Variants in ABCB5 observed in about 807,000 individuals in gnomAD.
ABCB5 encodes ATP-binding cassette sub-family B member 5.
In ABCB5, 155 loss-of-function variants were observed where a neutral mutation model predicts 144.2. The ratio of observed to expected loss-of-function variants is 1.08; its 90% CI spans 0.94 to 1.23. The LOEUF is 1.23. Among genes scored for constraint, ABCB5 ranks in the 50% most tolerant of loss-of-function variants. The pLI, the probability that ABCB5 is intolerant of heterozygous loss-of-function variation, is 0.00. For missense variants in ABCB5, 1,830 were observed against 1,520.8 expected (o/e 1.20, Z -3.38); for synonymous variants, 610 against 528.6 (o/e 1.15, Z -2.11).
At chr7:20,691,634 G>A (rs1056107824) in intron 16 of ABCB5, among the ~76,000 whole-genome samples, 1 of 135,588 alleles carries the variant, frequency 7.4e-6, no homozygotes, top group Admixed American at 7.8e-5. Flanking sequence ...TGAAGTTTTA[G>A]GGTACATGTG....
In ABCB5 at chr7:20,702,990, T is replaced by C. The variant is rs184204468; in HGVS notation, c.2338-1734T>C. Among the ~76,000 whole-genome samples, 3 of 152,230 alleles carry C rather than the reference T, an allele frequency of 2.0e-5. No individual in the cohort carries two copies. In the East Asian group the frequency reaches 5.8e-4, roughly 29 times the overall value. On this transcript the variant is annotated intron_variant, in intron 19 of 27. Transcript: ENST00000404938. Reference sequence around the variant, plus strand: ...GGAAAACAATCCCTGGAGTACACAATTGCTGTCTTGCCAAAAAGCAATTTC... The same window carrying C: ...GGAAAACAATCCCTGGAGTACACAACTGCTGTCTTGCCAAAAAGCAATTTC...
At chr7:20,622,615 A>T (rs1203885935) in intron 1 of ABCB5, among the ~76,000 whole-genome samples, 1 of 152,098 alleles carries the variant, frequency 6.6e-6, no homozygotes, top group East Asian at 1.9e-4. Flanking sequence ...AGTCACAACC[A>T]TCTCTATAGA....
intron 20 of ABCB5, among the ~76,000 whole-genome samples, chr7:20,720,814 C>G (rs558075850): frequency 3.6e-4 from 54 of 151,572 alleles, no homozygotes; most frequent in African/African-American, 1.2e-3. Context: ...CATGGTGGTG[C>G]GCGCCTGTAG....
intron 14 of ABCB5, among the ~76,000 whole-genome samples, chr7:20,671,613 A>G (rs1160369606): frequency 6.6e-6 from 1 of 152,178 alleles, no homozygotes; most frequent in Non-Finnish European, 1.5e-5. Flanking sequence ...CAGCATAATT[A>G]TTTTGAGACT....
chr7:20,648,338 C>A (rs1036272249), intron 11 of ABCB5, among the ~76,000 whole-genome samples: 4 of 152,138 alleles, frequency 2.6e-5, no homozygotes, highest in Admixed American at 6.6e-5. Flanking sequence ...GGGAACACAC[C>A]TAAATGTCTT....
At chr7:20,743,106 G>A (rs766744740) in intron 25 of ABCB5, 32 bp downstream of exon 25, 1 of 1,605,552 alleles carries the variant, frequency 6.2e-7, no homozygotes, top group South Asian at 1.1e-5. Context: ...CCTAATCTGG[G>A]GGTTAGCAGT....
chr7:20,623,600 T>C (rs570912165), intron 2 of ABCB5, among the ~76,000 whole-genome samples: 31 of 152,156 alleles, frequency 2.0e-4, no homozygotes, highest in Non-Finnish European at 4.4e-4. Context: ...GAATTTCTCA[T>C]CGTTAATTTC....
intron 1 of ABCB5, among the ~76,000 whole-genome samples, chr7:20,622,124 G>A (rs1013614923): frequency 6.6e-6 from 1 of 152,056 alleles, no homozygotes; most frequent in Non-Finnish European, 1.5e-5. Context: ...AGAATAGAAC[G>A]CATACATGAT....
intron 23 of ABCB5, 142 bp downstream of exon 23, chr7:20,728,597 T>C (rs1380222410): frequency 3.2e-5 from 32 of 986,130 alleles, no homozygotes; most frequent in Non-Finnish European, 4.1e-5. Flanking sequence ...CTACTAAAAA[T>C]ACAAAAATTA....
At chr7:20,656,489 G>A (rs563154454) in intron 13 of ABCB5, among the ~76,000 whole-genome samples, 1 of 151,886 alleles carries the variant, frequency 6.6e-6, no homozygotes, top group East Asian at 1.9e-4. Flanking sequence ...AGAATCAAAT[G>A]AACAATACAT....
In ABCB5 at chr7:20,650,269, T is replaced by C. The variant is rs144322861; in HGVS notation, c.1332+122T>C. ...AGCTGGGAGAGAAGCCATATTGTTT[T>C]CTTTCCTTTGTATCCATTCACTCAG... On this transcript the variant is annotated intron_variant, in intron 12 of 27. Transcript: ENST00000404938. The C allele has an allele frequency of 2.1e-4, 276 of 1,310,824 alleles. 4 individuals carry two copies. The East Asian group carries it at 4.0e-3, about 19-fold the overall frequency. The allele number at this position is 1,310,824 out of a possible 1,614,324, so 81.2% of individuals were successfully genotyped here.
chr7:20,643,527 T>G lies in ABCB5; in HGVS notation c.573T>G (p.Thr191=). Reference sequence around the variant, plus strand: ...CTCTGTTGTTTCAAAACATGTCTACTTTTTCGATTGGCCTGGCAGTTGGTT... The same window carrying G: ...CTCTGTTGTTTCAAAACATGTCTACGTTTTCGATTGGCCTGGCAGTTGGTT... The part of the protein sequence containing the change: ...KIALLFQNMS[T]FSIGLAVGLV... Residue 191 remains threonine (T), a synonymous_variant, in exon 7 of 28, where the codon ACT becomes ACG. Transcript: ENST00000404938. 1 of 1,614,054 alleles carries G rather than the reference T, an allele frequency of 6.2e-7. No homozygotes were observed. The highest frequency in any genetic ancestry group is 8.5e-7 in the Non-Finnish European group (1 of 1,179,900).
rs1022252127 is a variant in ABCB5 at position 20,628,774 on chromosome 7, G to A, written c.195G>A (p.Met65Ile). Residue 65 changes from methionine (M) to isoleucine (I), a missense_variant, in exon 4 of 28, where the codon ATG becomes ATA. By Grantham distance (10) the Met-to-Ile change is conservative (BLOSUM62 1). Transcript: ENST00000404938. Reference protein sequence around the residue: ...SLVNGACLPLMPLVLGEMSDN... With the variant: ...SLVNGACLPLIPLVLGEMSDN... ...TCAATGGAGCCTGCCTTCCTTTAATGCCACTGGTTTTAGGAGAAATGAGTG... is the reference window on the plus strand; with the variant it reads ...TCAATGGAGCCTGCCTTCCTTTAATACCACTGGTTTTAGGAGAAATGAGTG... 4 of 1,613,700 alleles carry A rather than the reference G, an allele frequency of 2.5e-6. No homozygotes were observed. Among genetic ancestry groups the A allele is most frequent in the Non-Finnish European group, 3.4e-6 (4 of 1,179,824 alleles).
At chr7:20,721,530 G>C (rs760468715) in intron 20 of ABCB5, among the ~76,000 whole-genome samples, 1 of 152,094 alleles carries the variant, frequency 6.6e-6, no homozygotes, top group Admixed American at 6.6e-5. Flanking sequence ...CCCACTTTTA[G>C]TGTGTCTTCC....
intron 27 of ABCB5, among the ~76,000 whole-genome samples, chr7:20,755,015 T>A (rs563918714): frequency 1.3e-5 from 2 of 152,146 alleles, no homozygotes; most frequent in Non-Finnish European, 2.9e-5. Flanking sequence ...AATGGCACGA[T>A]CTCAGCTCAC....
chr7:20,682,862 A>G (rs1384163166), intron 15 of ABCB5, among the ~76,000 whole-genome samples: 2 of 152,136 alleles, frequency 1.3e-5, no homozygotes, highest in East Asian at 3.9e-4. Context: ...TTTAGGATCC[A>G]TACTTGCGTG....
chr7:20,678,463 T>C (rs1395951128), intron 14 of ABCB5, among the ~76,000 whole-genome samples: 1 of 152,176 alleles, frequency 6.6e-6, no homozygotes, highest in Non-Finnish European at 1.5e-5. Flanking sequence ...CTGAGTTCCA[T>C]TTTCCTGCTC....
At chr7:20,628,172 C>T (rs1783950302) in intron 3 of ABCB5, among the ~76,000 whole-genome samples, 1 of 152,032 alleles carries the variant, frequency 6.6e-6, no homozygotes, top group Non-Finnish European at 1.5e-5. Flanking sequence ...TCCCACCCCA[C>T]AACAGGCCCC....
In ABCB5 at chr7:20,745,347, A is replaced by G. The variant is rs768414943; in HGVS notation, c.3338A>G (p.Tyr1113Cys). 1.9e-6 allele frequency: 3 copies of G among 1,614,170 alleles called. No homozygotes were observed. Among genetic ancestry groups the G allele is most frequent in the Admixed American group, 1.7e-5 (1 of 60,016 alleles). The change falls in exon 26 of 28, where the codon TAT becomes TGT. Residue 1113 changes from tyrosine (Y) to cysteine (C), a missense_variant. Transcript: ENST00000404938. ...TGCAGCATTGCTGAGAACATCGCCTATGGTGACAACAGCCGTGTGGTGCCA... is the reference window on the plus strand; with the variant it reads ...TGCAGCATTGCTGAGAACATCGCCTGTGGTGACAACAGCCGTGTGGTGCCA... The part of the protein sequence containing the change: ...FNCSIAENIA[Y>C]GDNSRVVPLD...
Sources: gnomAD v4.1 joint callset for allele counts (sites outside exome capture counted in the v4.1 genomes callset) on GRCh38, gnomAD v4.1.1 for gene constraint, MANE v1.5 for transcripts, NCBI Gene and HGNC (gene_info 2026-07-23, HGNC 2026-07-21) for gene names.